MAGI2: variants seen among roughly 807,000 people sequenced by gnomAD.
MAGI2 encodes membrane-associated guanylate kinase, WW and PDZ domain-containing protein 2.
Under a neutral mutation model 133.3 loss-of-function variants are expected in MAGI2, and 35 were observed. The ratio of observed to expected loss-of-function variants is 0.26; its 90% CI spans 0.20 to 0.35. MAGI2 has a LOEUF of 0.35. Ranked by LOEUF, MAGI2 falls within the 10% of genes least tolerant of loss-of-function variation. The probability of loss-of-function intolerance (pLI) is 1.00; values close to 1 mark genes in which losing one functional copy is unlikely to be tolerated. For missense variants in MAGI2, 1,636 were observed against 1,863.4 expected, an observed-to-expected ratio of 0.88 and a Z score of 2.25; for synonymous variants, 729 against 710.6, an observed-to-expected ratio of 1.03 and a Z score of -0.41.
At chr7:79,168,889 G>GATAGATATATATATAT (rs1396243710) in intron 1 of MAGI2, among the ~76,000 whole-genome samples, 3 of 14,616 alleles carry the variant, frequency 2.1e-4, no homozygotes, top group East Asian at 1.7e-3. Context: ...TCTAAAGATA[G>GATAGATATATATATAT]ATATATATAT....
chr7:78,674,405 G>A (rs1814756693), intron 2 of MAGI2, among the ~76,000 whole-genome samples: 1 of 151,846 alleles, frequency 6.6e-6, no homozygotes, highest in Admixed American at 6.6e-5. Flanking sequence ...TTATGCATGA[G>A]GTACTAGCTA....
At chr7:79,137,853 T>C (rs1029785794) in intron 1 of MAGI2, among the ~76,000 whole-genome samples, 4 of 152,116 alleles carry the variant, frequency 2.6e-5, no homozygotes, top group Non-Finnish European at 4.4e-5. Context: ...AACCTGTGAA[T>C]ATGTTACCAT....
chr7:78,354,584 A>G (rs1177352515), intron 7 of MAGI2, among the ~76,000 whole-genome samples: 3 of 152,208 alleles, frequency 2.0e-5, no homozygotes, highest in Admixed American at 2.0e-4. Flanking sequence ...AATAACTCCA[A>G]TTCCATATAA....
intron 1 of MAGI2, among the ~76,000 whole-genome samples, chr7:79,090,250 T>C (rs1233703459): frequency 6.6e-6 from 1 of 152,074 alleles, no homozygotes; most frequent in Non-Finnish European, 1.5e-5. Flanking sequence ...CTATTATTAA[T>C]AATAGATAAC....
chr7:79,438,107 G>A (rs962573260), intron 1 of MAGI2, among the ~76,000 whole-genome samples: 3 of 152,070 alleles, frequency 2.0e-5, no homozygotes, highest in Non-Finnish European at 4.4e-5. Flanking sequence ...AGCTATTACT[G>A]TAAAAACAAT....
intron 1 of MAGI2, among the ~76,000 whole-genome samples, chr7:79,136,072 A>AGAAAGAAG (rs1562929205): frequency 1.5e-3 from 64 of 43,170 alleles, no homozygotes; most frequent in African/African-American, 4.7e-3. Flanking sequence ...AAAGAAGGAA[A>AGAAAGAAG]GAAAGAAAGA....
intron 2 of MAGI2, among the ~76,000 whole-genome samples, chr7:78,784,501 C>T (rs1281842796): frequency 6.6e-6 from 1 of 152,186 alleles, no homozygotes; most frequent in African/African-American, 2.4e-5. Flanking sequence ...ACCTTTCTGT[C>T]TAGGGGTTGG....
At chr7:78,527,117 A>G (rs990369658) in intron 3 of MAGI2, among the ~76,000 whole-genome samples, 2 of 152,172 alleles carry the variant, frequency 1.3e-5, no homozygotes, top group Non-Finnish European at 2.9e-5. Context: ...TTTGTAATAA[A>G]AACATTTAAT....
At chr7:79,018,892 A>G (rs1809009362) in intron 1 of MAGI2, among the ~76,000 whole-genome samples, 1 of 152,228 alleles carries the variant, frequency 6.6e-6, no homozygotes, top group African/African-American at 2.4e-5. Context: ...TATATAAAGC[A>G]AGTTTTTAGA....
chr7:78,142,292 T>A (rs938488011), intron 16 of MAGI2, among the ~76,000 whole-genome samples: 2 of 152,138 alleles, frequency 1.3e-5, no homozygotes, highest in Admixed American at 1.3e-4. Flanking sequence ...GGTAGATCTG[T>A]CCATAATGTA....
chr7:78,224,084 A>G (rs760458070), intron 10 of MAGI2, among the ~76,000 whole-genome samples: 1 of 152,152 alleles, frequency 6.6e-6, no homozygotes, highest in African/African-American at 2.4e-5. Context: ...CTCATTCTCA[A>G]TTCTACAGAG....
intron 10 of MAGI2, among the ~76,000 whole-genome samples, chr7:78,245,030 T>C (rs1359891847): frequency 6.6e-6 from 1 of 152,166 alleles, no homozygotes; most frequent in East Asian, 1.9e-4. Context: ...CTATTAACAG[T>C]GACATGTATA....
chr7:79,176,260 C>T (rs1826087144), intron 1 of MAGI2, among the ~76,000 whole-genome samples: 1 of 151,792 alleles, frequency 6.6e-6, no homozygotes, highest in African/African-American at 2.4e-5. Flanking sequence ...ACAGTCAGTC[C>T]CCTTCCTGGT....
At chr7:78,779,338 C>T (rs1826225881) in intron 2 of MAGI2, among the ~76,000 whole-genome samples, 1 of 152,190 alleles carries the variant, frequency 6.6e-6, no homozygotes. Flanking sequence ...GAATGGCTTT[C>T]ACTATTTAAG....
chr7:78,288,622 T>C (rs76827266), intron 9 of MAGI2, among the ~76,000 whole-genome samples: 1 of 152,112 alleles, frequency 6.6e-6, no homozygotes, highest in African/African-American at 2.4e-5. Context: ...AGCATGGAGT[T>C]TGAGATCTGA....
At chr7:78,999,964 T>C (rs1806694789) in intron 2 of MAGI2, among the ~76,000 whole-genome samples, 1 of 152,152 alleles carries the variant, frequency 6.6e-6, no homozygotes, top group Non-Finnish European at 1.5e-5. Flanking sequence ...TGCTTTACAC[T>C]CTAAAAGGAA....
Position 79,453,452 on chromosome 7 carries a change from C to G in MAGI2, c.-132G>C. On this transcript the variant is annotated 5_prime_UTR_variant, in exon 1 of 22. Transcript: ENST00000354212. ...GACTTTGCCTTCGCCCCCCTCTATT[C>G]GGTGCTTTCCCTCTTCTTTGGATGG... 1 of 1,480,432 alleles carries G rather than the reference C, an allele frequency of 6.8e-7. No homozygotes were observed. Among genetic ancestry groups the G allele is most frequent in the East Asian group, 2.3e-5 (1 of 43,028 alleles). The allele number at this position is 1,480,432 out of a possible 1,614,324, so 91.7% of individuals were successfully genotyped here. A position where few individuals can be genotyped will look rare whatever the true frequency, so the allele number is the denominator to read the frequency against.
At chr7:78,912,067 A>G (rs1798440962) in intron 2 of MAGI2, among the ~76,000 whole-genome samples, 1 of 152,184 alleles carries the variant, frequency 6.6e-6, no homozygotes, top group African/African-American at 2.4e-5. Flanking sequence ...ATCTTTTATA[A>G]TGGATTATCA....
At chr7:78,461,403 T>C (rs752403185) in intron 6 of MAGI2, among the ~76,000 whole-genome samples, 5 of 126,516 alleles carry the variant, frequency 4.0e-5, no homozygotes, top group African/African-American at 1.0e-4. Context: ...CGTGTGTGTG[T>C]GTGTGTGTGT....
Sources: gnomAD v4.1 joint callset for allele counts (sites outside exome capture counted in the v4.1 genomes callset) on GRCh38, gnomAD v4.1.1 for gene constraint, MANE v1.5 for transcripts, NCBI Gene and HGNC (gene_info 2026-07-23, HGNC 2026-07-21) for gene names.